Variants in MARCHF3 observed in about 807,000 individuals in gnomAD.
The protein encoded by MARCHF3 is E3 ubiquitin-protein ligase MARCHF3.
In MARCHF3, 13 loss-of-function variants were observed where a neutral mutation model predicts 24.2. The observed-to-expected ratio is 0.54, with a 90% CI of 0.35 to 0.85. MARCHF3 has a LOEUF of 0.85. Ranked by LOEUF, MARCHF3 falls within the 40% of genes least tolerant of loss-of-function variation. The probability of loss-of-function intolerance (pLI) is 0.01; values close to 1 mark genes in which losing one functional copy is unlikely to be tolerated. For synonymous variants in MARCHF3, 144 were observed against 137.3 expected, an observed-to-expected ratio of 1.05 and a Z score of -0.34; for missense variants, 276 against 325.0, an observed-to-expected ratio of 0.85 and a Z score of 1.16.
chr5:126,881,040 T>A lies in MARCHF3; in HGVS notation c.394-2646A>T, dbSNP rs552394460. Among the ~76,000 whole-genome samples, 3 of 152,276 alleles carry A rather than the reference T, an allele frequency of 2.0e-5. No individual in the cohort carries two copies. In the East Asian group the frequency reaches 5.8e-4, roughly 29 times the overall value. On this transcript the variant is annotated intron_variant, in intron 3 of 4. Coordinates refer to ENST00000308660, the MANE Select transcript of MARCHF3 (RefSeq NM_178450.5). ...AAGGAGGGGAGGAGGTAATTACGAA[T>A]CAGTGTTTATCTCTGCCAGATGCAA... is the stretch of plus-strand genomic sequence containing the variant.
intron 3 of MARCHF3, among the ~76,000 whole-genome samples, chr5:126,910,938 C>T (rs558612845): frequency 3.9e-5 from 6 of 152,260 alleles, no homozygotes; most frequent in South Asian, 2.1e-4. Context: ...AAATAGAATG[C>T]GTCCCTGAGG....
intron 1 of MARCHF3, among the ~76,000 whole-genome samples, chr5:126,967,563 G>A (rs750183393): frequency 1.1e-4 from 16 of 152,140 alleles, no homozygotes; most frequent in Admixed American, 2.6e-4. Context: ...CGTGGTGGCC[G>A]GCACCTGTAA....
intron 1 of MARCHF3, among the ~76,000 whole-genome samples, chr5:126,985,697 G>A (rs1328085973): frequency 1.3e-5 from 2 of 151,990 alleles, no homozygotes; most frequent in African/African-American, 4.8e-5. Context: ...GGATGGTCTC[G>A]ATCTCCTGAC....
intron 1 of MARCHF3, among the ~76,000 whole-genome samples, chr5:126,973,461 T>C (rs1025212198): frequency 1.3e-5 from 2 of 152,190 alleles, no homozygotes; most frequent in African/African-American, 2.4e-5. Flanking sequence ...CTTCCACCTG[T>C]AGGGGAGGCG....
chr5:127,001,111 G>A (rs1348652503), intron 1 of MARCHF3, among the ~76,000 whole-genome samples: 1 of 151,882 alleles, frequency 6.6e-6, no homozygotes, highest in African/African-American at 2.4e-5. Flanking sequence ...GCTGACGCAC[G>A]CCTGTAGTCC....
intron 1 of MARCHF3, among the ~76,000 whole-genome samples, chr5:126,978,589 A>G: frequency 6.6e-6 from 1 of 152,240 alleles, no homozygotes; most frequent in East Asian, 1.9e-4. Context: ...CGTTCTGACT[A>G]CATTAGTTGT....
At chr5:126,917,733 T>C (rs941283755) in intron 2 of MARCHF3, among the ~76,000 whole-genome samples, 5 of 152,178 alleles carry the variant, frequency 3.3e-5, no homozygotes, top group African/African-American at 1.2e-4. Context: ...ATCTTGTGGG[T>C]TCCTTCCCCT....
intron 1 of MARCHF3, among the ~76,000 whole-genome samples, chr5:126,919,873 G>A (rs1386664016): frequency 1.3e-5 from 2 of 152,172 alleles, no homozygotes; most frequent in African/African-American, 4.8e-5. Context: ...ACCCACAGTG[G>A]GGAGACGGCT....
At chr5:126,960,695 A>G (rs2126822181) in intron 1 of MARCHF3, among the ~76,000 whole-genome samples, 1 of 152,282 alleles carries the variant, frequency 6.6e-6, no homozygotes, top group South Asian at 2.1e-4. Flanking sequence ...AAAACAGTAT[A>G]TAGCCAGACA....
chr5:126,942,821 C>T (rs1009740316), intron 1 of MARCHF3, among the ~76,000 whole-genome samples: 1 of 152,190 alleles, frequency 6.6e-6, no homozygotes, highest in South Asian at 2.1e-4. Context: ...AGAAATGCCA[C>T]TTACTAAAAC....
intron 3 of MARCHF3, among the ~76,000 whole-genome samples, chr5:126,887,495 A>G (rs1348139677): frequency 6.6e-6 from 1 of 152,228 alleles, no homozygotes; most frequent in Non-Finnish European, 1.5e-5. Context: ...TTATATTACA[A>G]GTGTGTCTTT....
intron 3 of MARCHF3, among the ~76,000 whole-genome samples, chr5:126,896,626 C>T (rs1022041566): frequency 6.6e-6 from 1 of 152,080 alleles, no homozygotes; most frequent in African/African-American, 2.4e-5. Flanking sequence ...CCAGCTCTCC[C>T]TTTAAGACTA....
intron 1 of MARCHF3, among the ~76,000 whole-genome samples, chr5:126,982,466 A>G (rs1005993289): frequency 2.0e-5 from 3 of 152,160 alleles, no homozygotes; most frequent in African/African-American, 4.8e-5. Flanking sequence ...TCCCAACACT[A>G]CTGGAGGGGA....
intron 3 of MARCHF3, among the ~76,000 whole-genome samples, chr5:126,908,007 G>T (rs1363139673): frequency 2.2e-5 from 3 of 136,674 alleles, no homozygotes; most frequent in Non-Finnish European, 1.6e-5. Flanking sequence ...CTCTTTTAGG[G>T]CAGGCCTGGT....
intron 1 of MARCHF3, among the ~76,000 whole-genome samples, chr5:126,974,823 C>T (rs1751141621): frequency 6.6e-6 from 1 of 152,106 alleles, no homozygotes. Context: ...TTACTTTATT[C>T]CAATAAATTA....
At chr5:126,930,729 A>G (rs12658816) in intron 1 of MARCHF3, among the ~76,000 whole-genome samples, 6,783 of 152,300 alleles carry the variant, frequency 0.045, 237 homozygotes, top group South Asian at 0.12. Flanking sequence ...CTTCTCACTA[A>G]TAAGGGTGAA....
chr5:126,962,709 C>G (rs1335480023), intron 1 of MARCHF3, among the ~76,000 whole-genome samples: 1 of 151,834 alleles, frequency 6.6e-6, no homozygotes, highest in Admixed American at 6.6e-5. Flanking sequence ...TAGGTCTCAT[C>G]CCCAAGATAT....
chr5:127,012,015 C>T (rs1752490184), intron 1 of MARCHF3, among the ~76,000 whole-genome samples: 1 of 152,186 alleles, frequency 6.6e-6, no homozygotes, highest in Non-Finnish European at 1.5e-5. Flanking sequence ...AGTCCTTCCA[C>T]TTCTTTGGAC....
chr5:126,946,519 C>CATGAA (rs1172125459), intron 1 of MARCHF3, among the ~76,000 whole-genome samples: 2 of 151,946 alleles, frequency 1.3e-5, no homozygotes, highest in Non-Finnish European at 2.9e-5. Context: ...ATTTAAGAAG[C>CATGAA]ATGAAAGCCC....
Sources: gnomAD v4.1 joint callset for allele counts (sites outside exome capture counted in the v4.1 genomes callset) on GRCh38, gnomAD v4.1.1 for gene constraint, MANE v1.5 for transcripts, NCBI Gene and HGNC (gene_info 2026-07-23, HGNC 2026-07-21) for gene names.